PTGER3: variants seen among roughly 807,000 people sequenced by gnomAD.
PTGER3 encodes prostaglandin E receptor 3.
PTGER3 carries 22 observed loss-of-function variants against 34.7 expected under a neutral mutation model. The ratio of observed to expected loss-of-function variants is 0.63; its 90% CI spans 0.45 to 0.91. The LOEUF (loss-of-function observed/expected upper bound fraction) is 0.91. PTGER3 is among the 40% of genes least tolerant of loss of function. The pLI is 0.00. For synonymous variants in PTGER3, 241 were observed against 230.1 expected (o/e 1.05, Z -0.43); for missense variants, 468 against 519.4 (o/e 0.90, Z 0.96).
At chr1:70,921,347 C>T (rs1441347908) in intron 4 of PTGER3, among the ~76,000 whole-genome samples, 3 of 152,138 alleles carry the variant, frequency 2.0e-5, no homozygotes, top group Admixed American at 6.6e-5. Flanking sequence ...TCCCTGAGTG[C>T]CTCGCTTTCC....
intron 1 of PTGER3, among the ~76,000 whole-genome samples, chr1:71,044,478 GTTTAA>G (rs1660585981): frequency 6.7e-6 from 1 of 149,044 alleles, no homozygotes; most frequent in South Asian, 2.1e-4. Flanking sequence ...ATGATCACAT[GTTTAA>G]TTTATTTTGT....
intron 4 of PTGER3, among the ~76,000 whole-genome samples, chr1:70,899,419 G>A (rs1306960687): frequency 1.3e-5 from 2 of 152,168 alleles, no homozygotes; most frequent in African/African-American, 2.4e-5. Context: ...AAGCATGAAT[G>A]AAAATTGATC....
At chr1:70,860,480 AT>A (rs1255499988) in intron 4 of PTGER3, among the ~76,000 whole-genome samples, 3 of 152,080 alleles carry the variant, frequency 2.0e-5, no homozygotes, top group Admixed American at 1.3e-4. Context: ...GTAAATAATT[AT>A]CTTACTTGTT....
At chr1:70,970,679 A>C (rs1652984073), downstream of PTGER3, 1 of 218,298 alleles carries the variant, frequency 4.6e-6, no homozygotes, top group Non-Finnish European at 7.8e-6. Flanking sequence ...GGGACAGAAG[A>C]AAGGGAGGAA....
chr1:70,996,850 G>T (rs1219571740), intron 2 of PTGER3, among the ~76,000 whole-genome samples: 1 of 151,992 alleles, frequency 6.6e-6, no homozygotes, highest in African/African-American at 2.4e-5. Flanking sequence ...TTTTAGTAGA[G>T]ACGGGGTTTC....
chr1:71,044,573 T>A (rs1298542275), intron 1 of PTGER3, among the ~76,000 whole-genome samples: 1 of 152,152 alleles, frequency 6.6e-6, no homozygotes, highest in African/African-American at 2.4e-5. Context: ...TGAAAATAAA[T>A]TGAAATTAAG....
intron 4 of PTGER3, among the ~76,000 whole-genome samples, chr1:70,868,248 C>T (rs928941607): frequency 2.0e-5 from 3 of 152,020 alleles, no homozygotes; most frequent in African/African-American, 7.3e-5. Flanking sequence ...CTGTGATGCC[C>T]ACCTTCACTT....
chr1:70,897,221 C>T (rs995149219), intron 4 of PTGER3, among the ~76,000 whole-genome samples: 2 of 152,146 alleles, frequency 1.3e-5, no homozygotes, highest in African/African-American at 4.8e-5. Flanking sequence ...TCTGATTATG[C>T]TAGAATGCAC....
chr1:70,932,964 A>G (rs1648858011), intron 4 of PTGER3, among the ~76,000 whole-genome samples: 2 of 152,118 alleles, frequency 1.3e-5, no homozygotes, highest in Non-Finnish European at 2.9e-5. Flanking sequence ...CTGAAGGCAG[A>G]GTCAGGGGTT....
intron 4 of PTGER3, among the ~76,000 whole-genome samples, chr1:70,873,273 T>C (rs1175147415): frequency 6.6e-6 from 1 of 152,150 alleles, no homozygotes; most frequent in African/African-American, 2.4e-5. Flanking sequence ...CCAGGTATAG[T>C]TTGGTCTGAA....
At chr1:70,986,043 C>A (rs1335820835) in intron 2 of PTGER3, among the ~76,000 whole-genome samples, 1 of 152,078 alleles carries the variant, frequency 6.6e-6, no homozygotes, top group Non-Finnish European at 1.5e-5. Context: ...AAGAAGCTGG[C>A]CAAAACCCAC....
At chr1:71,040,641 C>T (rs570203178) in intron 1 of PTGER3, among the ~76,000 whole-genome samples, 3 of 152,124 alleles carry the variant, frequency 2.0e-5, no homozygotes, top group South Asian at 2.1e-4. Flanking sequence ...TCAATAAACA[C>T]GTATTGGGCA....
At chr1:71,007,619 A>T (rs1048432383) in intron 2 of PTGER3, 1 of 985,262 alleles carries the variant, frequency 1.0e-6, no homozygotes, top group Non-Finnish European at 1.2e-6. Context: ...CCCCACCCAC[A>T]TGAGTATCCT....
chr1:70,911,629 G>A (rs1228008319), intron 4 of PTGER3, among the ~76,000 whole-genome samples: 4 of 152,100 alleles, frequency 2.6e-5, no homozygotes, highest in South Asian at 2.1e-4. Flanking sequence ...AGAAAGTGAC[G>A]ACATTTTTTT....
At chr1:70,933,276 T>C (rs1226636668) in intron 4 of PTGER3, among the ~76,000 whole-genome samples, 1 of 152,200 alleles carries the variant, frequency 6.6e-6, no homozygotes, top group East Asian at 1.9e-4. Context: ...GAATAAACTC[T>C]GTCCTCTCTG....
chr1:70,872,877 T>C (rs966509906), intron 4 of PTGER3, among the ~76,000 whole-genome samples: 18 of 152,148 alleles, frequency 1.2e-4, no homozygotes, highest in Non-Finnish European at 2.6e-4. Flanking sequence ...CTGGGTACCA[T>C]TAAGAATCTC....
intron 4 of PTGER3, among the ~76,000 whole-genome samples, chr1:70,897,684 A>G (rs1646750269): frequency 6.6e-6 from 1 of 152,136 alleles, no homozygotes; most frequent in Non-Finnish European, 1.5e-5. Context: ...CCATCACTTC[A>G]CAAAAACCTG....
intron 4 of PTGER3, among the ~76,000 whole-genome samples, chr1:70,901,796 A>T (rs957992474): frequency 6.6e-6 from 1 of 152,210 alleles, no homozygotes; most frequent in South Asian, 2.1e-4. Flanking sequence ...TCTTCTGTTT[A>T]CTTTATCCCA....
intron 4 of PTGER3, among the ~76,000 whole-genome samples, chr1:70,924,752 C>CT (rs1236294846): frequency 1.3e-5 from 2 of 152,146 alleles, no homozygotes; most frequent in East Asian, 3.9e-4. Context: ...AATGGCTGCT[C>CT]TGTCTATGGA....
Sources: gnomAD v4.1 joint callset for allele counts (sites outside exome capture counted in the v4.1 genomes callset) on GRCh38, gnomAD v4.1.1 for gene constraint, MANE v1.5 for transcripts, NCBI Gene and HGNC (gene_info 2026-07-23, HGNC 2026-07-21) for gene names.